Variants in AGAP1 observed in about 807,000 individuals in gnomAD.
AGAP1 encodes the protein ArfGAP with GTPase domain, ankyrin repeat and PH domain 1.
AGAP1 carries 29 observed loss-of-function variants against 105.3 expected under a neutral mutation model. The observed-to-expected ratio is 0.28, with a 90% CI of 0.21 to 0.38. The LOEUF (loss-of-function observed/expected upper bound fraction) is 0.38, where lower values mean the gene tolerates loss of function less well. AGAP1 is among the 10% of genes least tolerant of loss of function. AGAP1 has a pLI of 1.00. For synonymous variants in AGAP1, 509 were observed against 485.9 expected, an observed-to-expected ratio of 1.05 and a Z score of -0.63; for missense variants, 998 against 1,165.1, an observed-to-expected ratio of 0.86 and a Z score of 2.09.
In AGAP1 at chr2:235,787,643, ACAGT is replaced by A. The variant is rs1223768425; in HGVS notation, c.674-10111_674-10108del. Among the ~76,000 whole-genome samples the A allele has an allele frequency of 2.0e-5, 3 of 152,184 alleles. No homozygotes were observed. Among genetic ancestry groups the A allele is most frequent in the Admixed American group, 6.5e-5 (1 of 15,274 alleles). On this transcript the variant is annotated intron_variant, in intron 6 of 17. Coordinates refer to ENST00000304032, the MANE Select transcript of AGAP1 (RefSeq NM_001037131.3). This position sits in a 1 kb window ranked among gnomAD's most constrained non-coding sequence, Gnocchi z 4.4. ...GGCATATACTAGTTGCTCAATAAAA[ACAGT>A]CAGTAAATGGGATGAGTGAGGGATG...
At chr2:236,099,395 C>T (rs916094225) in intron 16 of AGAP1, among the ~76,000 whole-genome samples, 1 of 151,196 alleles carries the variant, frequency 6.6e-6, no homozygotes, top group African/African-American at 2.4e-5. Flanking sequence ...GAGGAGGTTG[C>T]GGTGAGCCGA....
chr2:235,510,637 G>C (rs1227592264), intron 1 of AGAP1, among the ~76,000 whole-genome samples: 1 of 152,178 alleles, frequency 6.6e-6, no homozygotes, highest in Non-Finnish European at 1.5e-5. Flanking sequence ...TTTCCAAATT[G>C]GTTGATTTTA....
At chr2:236,025,105 T>C (rs979083977) in intron 13 of AGAP1, among the ~76,000 whole-genome samples, 3 of 152,208 alleles carry the variant, frequency 2.0e-5, no homozygotes, top group Admixed American at 2.0e-4. Context: ...TTAATAGATA[T>C]ACCATCAGGA....
intron 11 of AGAP1, among the ~76,000 whole-genome samples, chr2:235,915,323 C>G (rs533501842): frequency 1.3e-5 from 2 of 152,296 alleles, no homozygotes; most frequent in East Asian, 3.9e-4. Context: ...TAACTCCTAT[C>G]AACAGAAGGA....
At position 235,729,300 on chromosome 2, in the gene AGAP1, C is replaced by T. The variant is rs1951816283; in HGVS notation, c.310+11656C>T. Among the ~76,000 whole-genome samples the T allele has an allele frequency of 6.6e-6, 1 of 152,158 alleles. No homozygotes were observed. The highest frequency in any genetic ancestry group is 2.4e-5 in the African/African-American group (1 of 41,410). On this transcript the variant is annotated intron_variant, in intron 3 of 17. Transcript: ENST00000304032. This position sits in a 1 kb window ranked among gnomAD's most constrained non-coding sequence, Gnocchi z 5.0. ...CCAGGTGTGTTTGGGCCGTCTAGAA[C>T]CATGTGACCTGGCAGCCACTTCAAC...
rs114461299 is a variant in AGAP1 at position 235,796,955 on chromosome 2, C to G, written c.674-804C>G. Among the ~76,000 whole-genome samples the G allele has an allele frequency of 4.6e-5, 7 of 152,216 alleles. No individual in the cohort carries two copies. In the East Asian group the frequency reaches 1.4e-3, roughly 29 times the overall value. On this transcript the variant is annotated intron_variant, in intron 6 of 17. Coordinates refer to ENST00000304032, the MANE Select transcript of AGAP1 (RefSeq NM_001037131.3). Reference sequence around the variant, plus strand: ...ACATTCAGTATGCTTTATCAGCGAGCCTATTTGCCAAGAGAAGTTATGGCT... The same window carrying G: ...ACATTCAGTATGCTTTATCAGCGAGGCTATTTGCCAAGAGAAGTTATGGCT...
In AGAP1 at chr2:236,040,848, G is replaced by A. The variant is rs377174116; in HGVS notation, c.1891+7G>A. ...GTGGACTGCGAGACCCAGAGTAAGTGTGTGCGGTGGTAGCAGGGGCTGGCG... is the reference window on the plus strand; with the variant it reads ...GTGGACTGCGAGACCCAGAGTAAGTATGTGCGGTGGTAGCAGGGGCTGGCG... On this transcript the variant is annotated splice_region_variant and intron_variant, in intron 15 of 17. Transcript: ENST00000304032. This position sits in a 1 kb window ranked among gnomAD's most constrained non-coding sequence, Gnocchi z 5.6. 1.7e-5 allele frequency: 27 copies of A among 1,614,164 alleles called. No individual in the cohort carries two copies. Among genetic ancestry groups the A allele is most frequent in the East Asian group, 2.2e-5 (1 of 44,882 alleles).
At chr2:235,985,581 G>A (rs949436937) in intron 13 of AGAP1, among the ~76,000 whole-genome samples, 1 of 152,036 alleles carries the variant, frequency 6.6e-6, no homozygotes, top group African/African-American at 2.4e-5. Context: ...TTATGGTTTG[G>A]GTTTTCATTT....
chr2:235,903,017 C>G (rs1207499996), intron 10 of AGAP1, among the ~76,000 whole-genome samples: 1 of 152,126 alleles, frequency 6.6e-6, no homozygotes. Flanking sequence ...TAATCACCAG[C>G]ATGTTTGCAC....
chr2:235,849,644 G>T (rs1405256245), intron 9 of AGAP1, among the ~76,000 whole-genome samples: 1 of 112,446 alleles, frequency 8.9e-6, no homozygotes, highest in Non-Finnish European at 2.1e-5. Context: ...CTGCGGGGAT[G>T]CTAGGCCTGG....
chr2:235,607,104 T>C (rs193248837), intron 1 of AGAP1, among the ~76,000 whole-genome samples: 125 of 152,206 alleles, frequency 8.2e-4, no homozygotes, highest in East Asian at 3.1e-3. Context: ...ATAAACAGGG[T>C]CAGCTGGGTA....
Position 236,027,033 on chromosome 2 carries a change from G to A in AGAP1, c.1646-9528G>A, listed in dbSNP as rs903366433. On this transcript the variant is annotated intron_variant, in intron 13 of 17. Transcript: ENST00000304032. The surrounding 1 kb of genome is among the most constrained non-coding windows in gnomAD (Gnocchi z 4.4). ...GGCGTTGTGCCTGACAGAATTTGGAGCCCAGTGGTATTATTTTCTATGTTT... is the reference window on the plus strand; with the variant it reads ...GGCGTTGTGCCTGACAGAATTTGGAACCCAGTGGTATTATTTTCTATGTTT... 1.3e-5 allele frequency among the ~76,000 whole-genome samples: 2 copies of A among 152,196 alleles called. No homozygotes were observed. Among genetic ancestry groups the A allele is most frequent in the Admixed American group, 6.5e-5 (1 of 15,288 alleles).
At chr2:235,590,637 T>C (rs1202072965) in intron 1 of AGAP1, among the ~76,000 whole-genome samples, 6 of 151,594 alleles carry the variant, frequency 4.0e-5, no homozygotes, top group Admixed American at 3.9e-4. Flanking sequence ...TGTTTTTGTT[T>C]CTGTTTTTTT....
chr2:235,703,904 T>C lies in AGAP1; in HGVS notation c.164-5275T>C, dbSNP rs576359908. Among the ~76,000 whole-genome samples, 4 of 152,298 alleles carry C rather than the reference T, an allele frequency of 2.6e-5. No individual in the cohort carries two copies. The East Asian group carries it at 5.8e-4, about 22-fold the overall frequency. On this transcript the variant is annotated intron_variant, in intron 1 of 17. Transcript: ENST00000304032. ...TGCCTGCAGGCTAGTCTTGAACTCCTGATCTCAGGTGATCCACGCCCCTTG... is the reference window on the plus strand; with the variant it reads ...TGCCTGCAGGCTAGTCTTGAACTCCCGATCTCAGGTGATCCACGCCCCTTG...
rs538266810 is a variant in AGAP1 at position 235,737,324 on chromosome 2, G to T, written c.311-3639G>T. The stretch of plus-strand genomic sequence containing the variant: ...TTACCAGTATCTGGTGTTTGAAATT[G>T]TAAGATGCTGAAAAGAACTGTTAAT... On this transcript the variant is annotated intron_variant, in intron 3 of 17. Coordinates refer to ENST00000304032, the MANE Select transcript of AGAP1 (RefSeq NM_001037131.3). This position sits in a 1 kb window ranked among gnomAD's most constrained non-coding sequence, Gnocchi z 4.5. 2.0e-5 allele frequency among the ~76,000 whole-genome samples: 3 copies of T among 152,224 alleles called. No homozygotes were observed. The highest frequency in any genetic ancestry group is 1.9e-4 in the East Asian group (1 of 5,200).
In AGAP1 at chr2:235,724,404, G is replaced by A. The variant is rs1575233447; in HGVS notation, c.310+6760G>A. Among the ~76,000 whole-genome samples the A allele has an allele frequency of 1.3e-5, 2 of 152,338 alleles. No individual in the cohort carries two copies. Among genetic ancestry groups the A allele is most frequent in the East Asian group, 1.9e-4 (1 of 5,180 alleles). Reference sequence around the variant, plus strand: ...TGCCCCCATGCTCTGTCCCAGAGACGGAACACACTGGTCACTGGGAGATTA... The same window carrying A: ...TGCCCCCATGCTCTGTCCCAGAGACAGAACACACTGGTCACTGGGAGATTA... On this transcript the variant is annotated intron_variant, in intron 3 of 17. Coordinates refer to ENST00000304032, the MANE Select transcript of AGAP1 (RefSeq NM_001037131.3). This position sits in a 1 kb window ranked among gnomAD's most constrained non-coding sequence, Gnocchi z 4.9.
Position 235,963,498 on chromosome 2 carries a change from T to C in AGAP1, c.1484-4964T>C, listed in dbSNP as rs2054270890. Reference sequence around the variant, plus strand: ...ATAGATGGCCCTTTATCGTTTTCAGTTGTCAAAAATACGTGTGAGTTGGGT... The same window carrying C: ...ATAGATGGCCCTTTATCGTTTTCAGCTGTCAAAAATACGTGTGAGTTGGGT... On this transcript the variant is annotated intron_variant, in intron 12 of 17. Coordinates refer to ENST00000304032, the MANE Select transcript of AGAP1 (RefSeq NM_001037131.3). The surrounding 1 kb of genome is among the most constrained non-coding windows in gnomAD (Gnocchi z 5.1). Among the ~76,000 whole-genome samples the C allele has an allele frequency of 6.6e-6, 1 of 152,196 alleles. No individual in the cohort carries two copies. The highest frequency in any genetic ancestry group is 1.5e-5 in the Non-Finnish European group (1 of 68,034).
At chr2:235,933,106 G>C (rs888549562) in intron 12 of AGAP1, among the ~76,000 whole-genome samples, 2 of 152,202 alleles carry the variant, frequency 1.3e-5, no homozygotes, top group East Asian at 3.8e-4. Flanking sequence ...GAGCTGTAGG[G>C]AGAGCCCAGG....
At position 236,087,938 on chromosome 2, in the gene AGAP1, CCAGGGGAGGGACAGG is replaced by C. The variant is rs2058972667; in HGVS notation, c.2115-32253_2115-32239del. 6.6e-6 allele frequency among the ~76,000 whole-genome samples: 1 copy of C among 152,180 alleles called. No homozygotes were observed. The highest frequency in any genetic ancestry group is 1.5e-5 in the Non-Finnish European group (1 of 68,026). On this transcript the variant is annotated intron_variant, in intron 16 of 17. Transcript: ENST00000304032. The surrounding 1 kb of genome is among the most constrained non-coding windows in gnomAD (Gnocchi z 5.7). ...CCTTGAACATCAGCATCTGGCACAG[CCAGGGGAGGGACAGG>C]GAGGACGAGAGACCTGCTTGGTATC...
Sources: allele counts gnomAD v4.1 joint callset (sites outside exome capture counted in the v4.1 genomes callset), GRCh38; gene constraint gnomAD v4.1.1; non-coding constraint Gnocchi (gnomAD v3.1); transcripts MANE v1.5; gene names NCBI Gene and HGNC (gene_info 2026-07-23, HGNC 2026-07-21).